Variants in ODAD2 observed in about 807,000 individuals in gnomAD.
ODAD2 encodes outer dynein arm docking complex subunit 2.
In ODAD2, 89 loss-of-function variants were observed where a neutral mutation model predicts 106.8. The observed-to-expected ratio is 0.83, with a 90% CI of 0.70 to 0.99. ODAD2 has a LOEUF of 0.99. Ranked by LOEUF, ODAD2 falls within the 50% of genes least tolerant of loss-of-function variation. The pLI is 0.00. For synonymous variants in ODAD2, 404 were observed against 436.2 expected, an observed-to-expected ratio of 0.93 and a Z score of 0.92; for missense variants, 1,168 against 1,238.5, an observed-to-expected ratio of 0.94 and a Z score of 0.85.
At chr10:27,916,194 G>A (rs563056013) in intron 16 of ODAD2, among the ~76,000 whole-genome samples, 13 of 152,206 alleles carry the variant, frequency 8.5e-5, no homozygotes, top group South Asian at 8.3e-4. Context: ...AGAGCAGCAT[G>A]ACAGGAGATC....
intron 17 of ODAD2, among the ~76,000 whole-genome samples, chr10:27,874,838 G>T (rs1362567433): frequency 1.3e-5 from 2 of 152,234 alleles, no homozygotes; most frequent in African/African-American, 2.4e-5. Context: ...GTGTCTTGGA[G>T]TTGCTCTTTT....
At chr10:27,815,723 A>T (rs1017296474) in intron 19 of ODAD2, among the ~76,000 whole-genome samples, 2 of 152,118 alleles carry the variant, frequency 1.3e-5, no homozygotes, top group African/African-American at 2.4e-5. Flanking sequence ...AGTTCATCAG[A>T]ACAAATTCCC....
chr10:27,910,664 G>A (rs1843943304), intron 16 of ODAD2, among the ~76,000 whole-genome samples: 1 of 152,150 alleles, frequency 6.6e-6, no homozygotes, highest in Non-Finnish European at 1.5e-5. Context: ...GGCTGAGGTA[G>A]GAGGATGACT....
At chr10:27,835,526 T>A (rs1025026320) in intron 19 of ODAD2, among the ~76,000 whole-genome samples, 1 of 152,254 alleles carries the variant, frequency 6.6e-6, no homozygotes, top group South Asian at 2.1e-4. Flanking sequence ...CACGCCCTCA[T>A]ACAGTCAAAA....
chr10:27,844,883 G>A (rs567355714), intron 19 of ODAD2, among the ~76,000 whole-genome samples: 459 of 152,300 alleles, frequency 3.0e-3, no homozygotes, highest in Non-Finnish European at 5.3e-3. Flanking sequence ...AGTTGGATTT[G>A]ACTTAGCAGA....
intron 17 of ODAD2, among the ~76,000 whole-genome samples, chr10:27,905,381 G>A (rs1489433477): frequency 1.3e-5 from 2 of 152,052 alleles, no homozygotes; most frequent in East Asian, 3.9e-4. Flanking sequence ...ACAAACAAAT[G>A]GAAAAATATT....
chr10:27,998,549 T>C (rs1489556945), intron 1 of ODAD2, among the ~76,000 whole-genome samples: 2 of 147,546 alleles, frequency 1.4e-5, no homozygotes, highest in Admixed American at 6.7e-5. Context: ...GCCGAGGTAG[T>C]GCAGAGAGGG....
At chr10:27,823,956 C>T (rs1467333019) in intron 19 of ODAD2, among the ~76,000 whole-genome samples, 7 of 141,004 alleles carry the variant, frequency 5.0e-5, no homozygotes, top group South Asian at 4.7e-4. Context: ...CTGGCTAACA[C>T]GGTGAAACCC....
chr10:27,958,723 C>T lies in ODAD2; in HGVS notation c.1386+2845G>A, dbSNP rs533944409. ...GTTACTAACTACTTTGTGCTAAGCA[C>T]TTTACATGTGTTGTATTTCATTTAA... On this transcript the variant is annotated intron_variant, in intron 10 of 19. Coordinates refer to ENST00000305242, the MANE Select transcript of ODAD2 (RefSeq NM_018076.5). The T allele has an allele frequency of 6.7e-5, 43 of 638,918 alleles. No individual in the cohort carries two copies. In the South Asian group the frequency reaches 9.1e-4, roughly 13 times the overall value. The allele number at this position is 638,918 out of a possible 1,614,324, so 39.6% of individuals were successfully genotyped here.
intron 17 of ODAD2, among the ~76,000 whole-genome samples, chr10:27,895,123 C>G (rs1842782513): frequency 6.7e-6 from 1 of 149,018 alleles, no homozygotes; most frequent in Non-Finnish European, 1.5e-5. Flanking sequence ...ATTTGCTTTT[C>G]TTTAGTTTCT....
At chr10:27,951,404 T>A (rs1185434434) in intron 10 of ODAD2, among the ~76,000 whole-genome samples, 1 of 138,556 alleles carries the variant, frequency 7.2e-6, no homozygotes, top group Non-Finnish European at 1.6e-5. Flanking sequence ...CATGGGAACA[T>A]CCAAATAAGT....
In ODAD2 at chr10:27,984,264, A is replaced by C; in HGVS notation, c.602T>G (p.Val201Gly). The change falls in exon 5 of 20, where the codon GTG becomes GGG. Residue 201 changes from valine (V) to glycine (G), a missense_variant. Val to Gly is a moderately radical substitution (Grantham distance 109). Coordinates refer to ENST00000305242, the MANE Select transcript of ODAD2 (RefSeq NM_018076.5). Reference sequence around the variant, plus strand: ...TTTGAGCAGTTCTATATCCTTCTTCACCGTCATGGGACTTAAACTTATTTC... The same window carrying C: ...TTTGAGCAGTTCTATATCCTTCTTCCCCGTCATGGGACTTAAACTTATTTC... ...SLEISLSPMT[V>G]KKDIELLKRF... 2 of 1,613,144 alleles carry C rather than the reference A, an allele frequency of 1.2e-6. No homozygotes were observed. Among genetic ancestry groups the C allele is most frequent in the Middle Eastern group, 1.6e-4 (1 of 6,062 alleles).
At chr10:27,929,362 T>C (rs1845460752) in intron 16 of ODAD2, among the ~76,000 whole-genome samples, 1 of 152,192 alleles carries the variant, frequency 6.6e-6, no homozygotes, top group African/African-American at 2.4e-5. Flanking sequence ...AAAATTTGCA[T>C]ACTTACACAT....
chr10:27,901,038 G>GA (rs1317399597), intron 17 of ODAD2, among the ~76,000 whole-genome samples: 2 of 152,076 alleles, frequency 1.3e-5, no homozygotes, highest in East Asian at 1.9e-4. Flanking sequence ...TGAAATGGAG[G>GA]AAAAAATCTT....
intron 17 of ODAD2, among the ~76,000 whole-genome samples, chr10:27,882,687 C>G (rs530597415): frequency 6.6e-6 from 1 of 152,264 alleles, no homozygotes; most frequent in East Asian, 1.9e-4. Flanking sequence ...TCCACAGTAG[C>G]CTTGAAGATC....
At chr10:27,915,693 G>C (rs547505307) in intron 16 of ODAD2, among the ~76,000 whole-genome samples, 2 of 152,154 alleles carry the variant, frequency 1.3e-5, no homozygotes, top group African/African-American at 4.8e-5. Context: ...GAAAAGAACT[G>C]TCAACCTAGA....
At chr10:27,961,750 C>G in intron 9 of ODAD2, 35 bp from the exon 10 acceptor site, 7 of 1,594,162 alleles carry the variant, frequency 4.4e-6, no homozygotes, top group Non-Finnish European at 6.0e-6. Context: ...CACATGTAAG[C>G]TATAGTGTGG....
intron 17 of ODAD2, among the ~76,000 whole-genome samples, chr10:27,881,087 G>A (rs1289045317): frequency 2.0e-5 from 3 of 152,098 alleles, no homozygotes; most frequent in Non-Finnish European, 4.4e-5. Flanking sequence ...TCTGTAAAAT[G>A]GAGCTAATAA....
At chr10:27,903,672 C>A (rs966128383) in intron 17 of ODAD2, among the ~76,000 whole-genome samples, 2 of 152,098 alleles carry the variant, frequency 1.3e-5, no homozygotes, top group Non-Finnish European at 2.9e-5. Context: ...AAGAGAGAGC[C>A]AAATCATGAG....
Sources: gnomAD v4.1 joint callset for allele counts (sites outside exome capture counted in the v4.1 genomes callset) on GRCh38, gnomAD v4.1.1 for gene constraint, MANE v1.5 for transcripts, NCBI Gene and HGNC (gene_info 2026-07-23, HGNC 2026-07-21) for gene names.